Variants in STX2 observed in about 807,000 individuals in gnomAD.
The protein encoded by STX2 is syntaxin-2.
Under a neutral mutation model 40.6 loss-of-function variants are expected in STX2, and 27 were observed. The ratio of observed to expected loss-of-function variants is 0.66; its 90% confidence interval spans 0.49 to 0.92. The LOEUF is 0.92. Among genes scored for constraint, STX2 ranks in the 40% least tolerant of loss-of-function variants. The probability of loss-of-function intolerance (pLI) is 0.00; values close to 1 mark genes in which losing one functional copy is unlikely to be tolerated. For missense variants in STX2, 328 were observed against 366.1 expected, an observed-to-expected ratio of 0.90 and a Z score of 0.85; for synonymous variants, 123 against 119.1, an observed-to-expected ratio of 1.03 and a Z score of -0.22.
chr12:130,817,679 A>G (rs1341774449), intron 3 of STX2, among the ~76,000 whole-genome samples: 2 of 152,130 alleles, frequency 1.3e-5, no homozygotes, highest in Admixed American at 1.3e-4. Context: ...AAAACCAAAG[A>G]CCAAAAACCA....
At chr12:130,800,444 T>C (rs1193209572) in intron 8 of STX2, among the ~76,000 whole-genome samples, 1 of 152,094 alleles carries the variant, frequency 6.6e-6, no homozygotes, top group Non-Finnish European at 1.5e-5. Flanking sequence ...TTTCTATTTA[T>C]TAAGAATTGC....
At chr12:130,812,847 G>GTCACTAT in intron 4 of STX2, 110 bp downstream of exon 4, 1 of 734,540 alleles carries the variant, frequency 1.4e-6, no homozygotes, top group Non-Finnish European at 2.3e-6. Context: ...TTTTAAAGCA[G>GTCACTAT]TCACTATTTT....
intron 5 of STX2, among the ~76,000 whole-genome samples, chr12:130,808,309 CTTT>C (rs796303992): frequency 6.6e-6 from 1 of 151,944 alleles, no homozygotes; most frequent in East Asian, 1.9e-4. Context: ...CACTTTTTCT[CTTT>C]TTTTTCCCCT....
intron 2 of STX2, among the ~76,000 whole-genome samples, chr12:130,825,820 G>A (rs190391781): frequency 2.0e-5 from 3 of 152,260 alleles, no homozygotes; most frequent in East Asian, 3.9e-4. Context: ...TAATCAAGAC[G>A]AGTCCTGCAA....
chr12:130,817,236 G>A (rs1951894025), intron 3 of STX2, among the ~76,000 whole-genome samples: 2 of 152,098 alleles, frequency 1.3e-5, no homozygotes, highest in African/African-American at 4.8e-5. Flanking sequence ...TAAAATGTAA[G>A]ATCATAAATT....
chr12:130,824,509 G>A (rs1034311218), intron 2 of STX2, among the ~76,000 whole-genome samples: 10 of 152,166 alleles, frequency 6.6e-5, no homozygotes, highest in African/African-American at 2.4e-4. Context: ...CCAAGCCCCC[G>A]TATGGCTCCA....
intron 4 of STX2, among the ~76,000 whole-genome samples, chr12:130,809,226 A>G (rs374183956): frequency 1.3e-5 from 2 of 152,208 alleles, no homozygotes; most frequent in Admixed American, 6.5e-5. Context: ...ACACACATAT[A>G]TACACAGATA....
rs1565928476 is a variant in STX2 at position 130,821,749 on chromosome 12, A to C, written c.145T>G (p.Tyr49Asp). 6.2e-7 allele frequency: 1 copy of C among 1,613,546 alleles called. No individual in the cohort carries two copies. Among genetic ancestry groups the C allele is most frequent in the South Asian group, 1.1e-5 (1 of 91,052 alleles). The change falls in exon 3 of 11, where the codon TAT (tyrosine) becomes GAT (aspartate). Residue 49 changes from tyrosine to aspartate, a missense_variant. By Grantham distance (160) the Tyr-to-Asp change is radical. Coordinates refer to ENST00000392373, the MANE Select transcript of STX2 (RefSeq NM_194356.4). ...TGGTTTTTCTTTACTTCTTCAACAT[A>C]TTGAGTTATTTTATCAATACTGTTT... The part of the protein sequence containing the change: ...IRNSIDKITQ[Y>D]VEEVKKNHSI...
At chr12:130,815,398 T>A (rs1277662128) in intron 3 of STX2, among the ~76,000 whole-genome samples, 1 of 152,188 alleles carries the variant, frequency 6.6e-6, no homozygotes, top group Non-Finnish European at 1.5e-5. Context: ...TTCGTGCGCG[T>A]GTGAGATGTG....
At chr12:130,835,064 A>C (rs1952711255) in intron 1 of STX2, among the ~76,000 whole-genome samples, 1 of 152,230 alleles carries the variant, frequency 6.6e-6, no homozygotes, top group Admixed American at 6.5e-5. Flanking sequence ...TAAGGTGGGC[A>C]GATTGCTTGA....
Position 130,818,185 on chromosome 12 carries a change from A to AAAATATATATATAT in STX2, c.205+3503_205+3504insATATATATATATTT. ...GCTGTTTCTACAAAAAAAAAAAAAA[A>AAAATATATATATAT]ATATATATATATATATATATATATA... On this transcript the variant is annotated intron_variant, in intron 3 of 10. Coordinates refer to ENST00000392373, the MANE Select transcript of STX2 (RefSeq NM_194356.4). Among the ~76,000 whole-genome samples, 19 of 70,536 alleles carry AAAATATATATATAT rather than the reference A, an allele frequency of 2.7e-4. 1 individual carries two copies. Among genetic ancestry groups the AAAATATATATATAT allele is most frequent in the African/African-American group, 9.5e-4 (8 of 8,426 alleles). The allele number at this position is 70,536 out of a possible 152,430, so 46.3% of individuals were successfully genotyped here. A position where few individuals can be genotyped will look rare whatever the true frequency, so the allele number is the denominator to read the frequency against.
chr12:130,816,420 G>A (rs1350160243), intron 3 of STX2, among the ~76,000 whole-genome samples: 3 of 152,182 alleles, frequency 2.0e-5, no homozygotes, highest in African/African-American at 7.2e-5. Context: ...GGCCCACGGG[G>A]CTTGAGCAAC....
rs1167904701 is a variant in STX2, at chr12:130,807,072, T to C, written c.373A>G (p.Lys125Glu). 2.5e-6 allele frequency: 4 copies of C among 1,614,094 alleles called. No individual in the cohort carries two copies. In the African/African-American group the frequency reaches 5.3e-5, roughly 22 times the overall value. The change falls in exon 6 of 11, where the codon AAG becomes GAG. Residue 125 changes from lysine to glutamate, a missense_variant. Lys to Glu is a moderately conservative substitution (Grantham distance 56, BLOSUM62 1). Coordinates refer to ENST00000392373, the MANE Select transcript of STX2 (RefSeq NM_194356.4). Reference sequence around the variant, plus strand: ...TACTCCGCCATGGCTTCCACAAACTTCCGAGACAGCACCGAATGCTAACAA... The same window carrying C: ...TACTCCGCCATGGCTTCCACAAACTCCCGAGACAGCACCGAATGCTAACAA... ...RRTQHSVLSR[K>E]FVEAMAEYNE... is the part of the protein sequence containing the mutation.
intron 3 of STX2, among the ~76,000 whole-genome samples, chr12:130,817,522 G>A (rs879908302): frequency 2.6e-5 from 4 of 152,098 alleles, no homozygotes; most frequent in African/African-American, 7.2e-5. Context: ...GACAGAAAAC[G>A]GAGCAAGGAT....
At position 130,812,845 on chromosome 12, in the gene STX2, C is replaced by T. The variant is rs948586535; in HGVS notation, c.280+112G>A. The T allele has an allele frequency of 5.6e-6, 4 of 718,714 alleles. No homozygotes were observed. In the African/African-American group the frequency reaches 5.6e-5, roughly 10 times the overall value. 44.5% of individuals were successfully genotyped at this position (718,714 alleles called of 1,614,324 possible). The stretch of plus-strand genomic sequence containing the variant: ...TACATACAAATAATTTATTTTAAAG[C>T]AGTCACTATTTTAATTTTTAAAAAT... On this transcript the variant is annotated intron_variant, in intron 4 of 10. Coordinates refer to ENST00000392373, the MANE Select transcript of STX2 (RefSeq NM_194356.4).
intron 1 of STX2, among the ~76,000 whole-genome samples, chr12:130,836,196 T>C (rs1009657656): frequency 6.6e-6 from 1 of 152,072 alleles, no homozygotes; most frequent in Non-Finnish European, 1.5e-5. Flanking sequence ...TTAAGATGGG[T>C]TTTTAAATAT....
chr12:130,809,201 C>A (rs1486625630), intron 4 of STX2, among the ~76,000 whole-genome samples: 1 of 152,126 alleles, frequency 6.6e-6, no homozygotes, highest in Admixed American at 6.6e-5. Flanking sequence ...TAGATACACA[C>A]AGATATATAT....
At chr12:130,808,177 G>A (rs36051740) in intron 5 of STX2, among the ~76,000 whole-genome samples, 55,634 of 151,900 alleles carry the variant, frequency 0.37, 10,783 homozygotes, top group African/African-American at 0.47. Flanking sequence ...CGTAAGAGGC[G>A]GATCTGGGCA....
chr12:130,831,844 TA>T (rs1483343658), intron 1 of STX2, among the ~76,000 whole-genome samples: 1 of 151,526 alleles, frequency 6.6e-6, no homozygotes, highest in East Asian at 1.9e-4. Context: ...AGACTTTATG[TA>T]AATAGTATTA....
Sources: allele counts gnomAD v4.1 joint callset (sites outside exome capture counted in the v4.1 genomes callset), GRCh38; gene constraint gnomAD v4.1.1; transcripts MANE v1.5; gene names NCBI Gene and HGNC (gene_info 2026-07-23, HGNC 2026-07-21).